The following RALYL variants were observed in gnomAD, a reference collection of about 807,000 sequenced individuals.
RALYL encodes the protein RALY RNA binding protein like.
A neutral mutation model predicts 35.1 loss-of-function variants in RALYL; 29 were observed. That is an observed-to-expected ratio of 0.83 (90% CI 0.61 to 1.13). The LOEUF (loss-of-function observed/expected upper bound fraction) is 1.13. Ranked by LOEUF, RALYL falls within the 50% of genes most tolerant of loss-of-function variation. The pLI, the probability that RALYL is intolerant of heterozygous loss-of-function variation, is 0.00. For synonymous variants in RALYL, 120 were observed against 127.6 expected, an observed-to-expected ratio of 0.94 and a Z score of 0.40; for missense variants, 359 against 360.4, an observed-to-expected ratio of 1.00 and a Z score of 0.03.
chr8:84,373,359 A>G (rs1401149037), intron 1 of RALYL, among the ~76,000 whole-genome samples: 1 of 152,006 alleles, frequency 6.6e-6, no homozygotes, highest in African/African-American at 2.4e-5. Context: ...CAGGTTTTAC[A>G]TTTAAATCTC....
At chr8:84,807,973 C>A (rs1012665174) in intron 4 of RALYL, among the ~76,000 whole-genome samples, 1 of 152,082 alleles carries the variant, frequency 6.6e-6, no homozygotes, top group African/African-American at 2.4e-5. Context: ...GTTGTCTGTT[C>A]ACTCTCTTCT....
intron 4 of RALYL, among the ~76,000 whole-genome samples, chr8:84,806,874 G>A (rs936866730): frequency 6.6e-6 from 1 of 152,046 alleles, no homozygotes; most frequent in Non-Finnish European, 1.5e-5. Context: ...TTAGCTGGCC[G>A]TGGTGCCGTG....
rs184161224 is a variant in RALYL, at chr8:84,757,037, A to G, written c.257-17542A>G. ...AAACAGTGATAACATGTGTATTGAC[A>G]TACTAACAAGAAGAATTTGAATTAA... is the stretch of plus-strand genomic sequence containing the variant. On this transcript the variant is annotated intron_variant, in intron 2 of 8. Coordinates refer to ENST00000521268, the MANE Select transcript of RALYL (RefSeq NM_173848.7). Among the ~76,000 whole-genome samples, 22 of 152,266 alleles carry G rather than the reference A, an allele frequency of 1.4e-4. No homozygotes were observed. In the East Asian group the frequency reaches 3.9e-3, roughly 27 times the overall value.
chr8:84,421,757 T>G (rs317930), intron 1 of RALYL, among the ~76,000 whole-genome samples: 54,172 of 122,916 alleles, frequency 0.44, 11,639 homozygotes, highest in Middle Eastern at 0.48. Flanking sequence ...TTTAGCATGA[T>G]GGGTTGTTGA....
chr8:84,825,864 T>A (rs1485536480), intron 4 of RALYL, among the ~76,000 whole-genome samples: 1 of 151,922 alleles, frequency 6.6e-6, no homozygotes, highest in Non-Finnish European at 1.5e-5. Context: ...AAGATCCATC[T>A]CAAAAACCAA....
chr8:84,523,964 T>C (rs1279333563), intron 1 of RALYL, among the ~76,000 whole-genome samples: 5 of 152,198 alleles, frequency 3.3e-5, no homozygotes, highest in East Asian at 1.9e-4. Flanking sequence ...TGAATAATGC[T>C]GCAATAAACA....
At chr8:84,760,713 A>G (rs1295149744) in intron 2 of RALYL, among the ~76,000 whole-genome samples, 1 of 152,094 alleles carries the variant, frequency 6.6e-6, no homozygotes, top group African/African-American at 2.4e-5. Flanking sequence ...AGTAAATCTC[A>G]TGAATGAAAA....
intron 4 of RALYL, among the ~76,000 whole-genome samples, chr8:84,810,389 AT>A (rs1205378023): frequency 6.6e-6 from 1 of 152,080 alleles, no homozygotes; most frequent in Non-Finnish European, 1.5e-5. Flanking sequence ...ATTGAGGCTC[AT>A]TTTATGGCCT....
At chr8:84,507,313 A>G (rs1156429550) in intron 1 of RALYL, among the ~76,000 whole-genome samples, 1 of 152,114 alleles carries the variant, frequency 6.6e-6, no homozygotes. Context: ...TGAAACATGA[A>G]CATCATTGGT....
At chr8:84,788,333 C>G (rs1348858581) in intron 3 of RALYL, among the ~76,000 whole-genome samples, 1 of 152,120 alleles carries the variant, frequency 6.6e-6, no homozygotes, top group Non-Finnish European at 1.5e-5. Context: ...GAAAGGATTC[C>G]CTATTTAATA....
intron 1 of RALYL, among the ~76,000 whole-genome samples, chr8:84,492,970 G>A (rs962136582): frequency 4.6e-5 from 7 of 151,954 alleles, no homozygotes; most frequent in African/African-American, 1.5e-4. Context: ...TGTTACATAC[G>A]TATACGTGTA....
chr8:84,432,138 T>C (rs2047211453), intron 1 of RALYL, among the ~76,000 whole-genome samples: 1 of 152,182 alleles, frequency 6.6e-6, no homozygotes, highest in African/African-American at 2.4e-5. Context: ...CCCCTGTTTG[T>C]GGTAGCATGA....
intron 2 of RALYL, among the ~76,000 whole-genome samples, chr8:84,656,490 C>T (rs1293274527): frequency 1.3e-5 from 2 of 152,088 alleles, no homozygotes; most frequent in Non-Finnish European, 2.9e-5. Flanking sequence ...TCATTCACAC[C>T]TTATGAGATG....
At chr8:84,558,216 C>A (rs1252202) in intron 2 of RALYL, among the ~76,000 whole-genome samples, 53 of 152,108 alleles carry the variant, frequency 3.5e-4, no homozygotes, top group African/African-American at 1.2e-3. Context: ...TATTCCTTTA[C>A]AAGAATTGTG....
chr8:84,351,003 A>C lies in RALYL; in HGVS notation c.-24+166579A>C, dbSNP rs374518777. Among the ~76,000 whole-genome samples the C allele has an allele frequency of 1.1e-3, 162 of 150,090 alleles. 5 individuals carry two copies. The South Asian group carries it at 0.032, about 30-fold the overall frequency. The stretch of plus-strand genomic sequence containing the variant: ...GGGGGTGAGCGGATTGTGGCATGAC[A>C]TTGTTTTTCATAACATGTTAATAGC... On this transcript the variant is annotated intron_variant, in intron 1 of 8. Transcript: ENST00000521268.
At chr8:84,289,504 A>C (rs568279488) in intron 1 of RALYL, among the ~76,000 whole-genome samples, 4 of 152,128 alleles carry the variant, frequency 2.6e-5, no homozygotes, top group African/African-American at 9.7e-5. Context: ...TTTTAAAACC[A>C]GTTGATTTGT....
chr8:84,278,271 C>T lies in RALYL; in HGVS notation c.-24+93847C>T, dbSNP rs543413718. Among the ~76,000 whole-genome samples the T allele has an allele frequency of 7.9e-5, 12 of 152,324 alleles. No homozygotes were observed. The East Asian group carries it at 1.5e-3, about 20-fold the overall frequency. On this transcript the variant is annotated intron_variant, in intron 1 of 8. Coordinates refer to ENST00000521268, the MANE Select transcript of RALYL (RefSeq NM_173848.7). ...CAATGGCCTGAGCTGTACATCGGCC[C>T]CTTTTAGCCACAGCTAGAGCTGAAG... is the stretch of plus-strand genomic sequence containing the variant.
chr8:84,529,440 C>G lies in RALYL; in HGVS notation c.119C>G (p.Ala40Gly), dbSNP rs895571423. The part of the protein sequence containing the change: ...TAIVKKVDIE[A>G]IFSKYGKIVG... ...ATTGTCAAGAAAGTTGACATTGAAG[C>G]CATTTTTTCAAAGTATGGAAAAATA... The change falls in exon 2 of 9, where the codon GCC becomes GGC. Residue 40 changes from alanine (A) to glycine (G), a missense_variant. Coordinates refer to ENST00000521268, the MANE Select transcript of RALYL (RefSeq NM_173848.7). 2.5e-6 allele frequency: 4 copies of G among 1,613,542 alleles called. No individual in the cohort carries two copies. The highest frequency in any genetic ancestry group is 1.7e-5 in the Admixed American group (1 of 59,864).
At chr8:84,539,443 C>A (rs964538561) in intron 2 of RALYL, among the ~76,000 whole-genome samples, 1 of 151,922 alleles carries the variant, frequency 6.6e-6, no homozygotes, top group Non-Finnish European at 1.5e-5. Flanking sequence ...AGGTGTTGGT[C>A]GTGTTACAAG....
Sources: allele counts gnomAD v4.1 joint callset (sites outside exome capture counted in the v4.1 genomes callset), GRCh38; gene constraint gnomAD v4.1.1; transcripts MANE v1.5; gene names NCBI Gene and HGNC (gene_info 2026-07-23, HGNC 2026-07-21).